The following MAML2 variants were observed in gnomAD, a reference collection of about 807,000 sequenced individuals.
The protein encoded by MAML2 is mastermind-like protein 2.
A neutral mutation model predicts 96.1 loss-of-function variants in MAML2; 22 were observed. That is an observed-to-expected ratio of 0.23 (90% CI 0.16 to 0.33). The LOEUF (loss-of-function observed/expected upper bound fraction) is 0.33. Ranked by LOEUF, MAML2 falls within the 10% of genes least tolerant of loss-of-function variation. The probability of loss-of-function intolerance (pLI) is 1.00; values close to 1 mark genes in which losing one functional copy is unlikely to be tolerated. For synonymous variants in MAML2, 561 were observed against 521.3 expected (o/e 1.08, Z -1.04); for missense variants, 1,367 against 1,392.4 (o/e 0.98, Z 0.29).
chr11:96,018,704 C>G (rs1409333055), intron 2 of MAML2, among the ~76,000 whole-genome samples: 1 of 152,210 alleles, frequency 6.6e-6, no homozygotes, highest in Non-Finnish European at 1.5e-5. Flanking sequence ...TCAAGCAACT[C>G]TCTTGCCTCA....
intron 1 of MAML2, among the ~76,000 whole-genome samples, chr11:96,117,316 G>A (rs1860261307): frequency 6.8e-6 from 1 of 147,490 alleles, no homozygotes; most frequent in Non-Finnish European, 1.5e-5. Context: ...AATTTTTTGA[G>A]ACAGGGTCTC....
At chr11:96,054,524 G>T (rs1859033007) in intron 2 of MAML2, among the ~76,000 whole-genome samples, 1 of 152,150 alleles carries the variant, frequency 6.6e-6, no homozygotes, top group South Asian at 2.1e-4. Flanking sequence ...TCCAATGAGG[G>T]AGCAGTGTGG....
At chr11:96,196,478 A>G (rs1283884143) in intron 1 of MAML2, among the ~76,000 whole-genome samples, 1 of 152,230 alleles carries the variant, frequency 6.6e-6, no homozygotes, top group Non-Finnish European at 1.5e-5. Context: ...GGAGACGTGT[A>G]AAAAAATCAC....
rs371088687 is a variant in MAML2 at position 96,101,303 on chromosome 11, A to G, written c.514-7786T>C. 3.5e-4 allele frequency among the ~76,000 whole-genome samples: 54 copies of G among 152,334 alleles called. 1 individual carries two copies. The East Asian group carries it at 4.6e-3, about 13-fold the overall frequency. ...AACACTCTTCATTACAGGGCAGAAA[A>G]AAGGCATTTCATGATAGCATTTTGT... On this transcript the variant is annotated intron_variant, in intron 1 of 4. Coordinates refer to ENST00000524717, the MANE Select transcript of MAML2 (RefSeq NM_032427.4).
At chr11:96,142,722 C>T (rs530269443) in intron 1 of MAML2, among the ~76,000 whole-genome samples, 1 of 152,326 alleles carries the variant, frequency 6.6e-6, no homozygotes, top group South Asian at 2.1e-4. Flanking sequence ...ACAAAAGCAA[C>T]CTAAATGCAG....
chr11:96,074,145 T>C (rs1859394415), intron 2 of MAML2, among the ~76,000 whole-genome samples: 1 of 152,200 alleles, frequency 6.6e-6, no homozygotes, highest in African/African-American at 2.4e-5. Flanking sequence ...TTCCATACTA[T>C]AAGATGTAAA....
intron 1 of MAML2, among the ~76,000 whole-genome samples, chr11:96,153,012 A>G (rs11600466): frequency 0.1 from 15,339 of 152,236 alleles, 1,036 homozygotes; most frequent in Non-Finnish European, 0.15. Context: ...AATGCAGGGT[A>G]GTTTTACCCA....
chr11:96,341,913 T>A lies in MAML2; in HGVS notation c.-18A>T. 2.7e-6 allele frequency: 4 copies of A among 1,496,844 alleles called. No homozygotes were observed. Among genetic ancestry groups the A allele is most frequent in the Non-Finnish European group, 2.7e-6 (3 of 1,127,584 alleles). 92.7% of individuals were successfully genotyped at this position (1,496,844 alleles called of 1,614,324 possible). A position where few individuals can be genotyped will look rare whatever the true frequency, so the allele number is the denominator to read the frequency against. On this transcript the variant is annotated 5_prime_UTR_variant, in exon 1 of 5. Coordinates refer to ENST00000524717, the MANE Select transcript of MAML2 (RefSeq NM_032427.4). Reference sequence around the variant, plus strand: ...TCCCCCATCTTACCGGACACAATGATTGCTGCCTCTGGGATGGTGAGGTGG... The same window carrying A: ...TCCCCCATCTTACCGGACACAATGAATGCTGCCTCTGGGATGGTGAGGTGG...
intron 1 of MAML2, among the ~76,000 whole-genome samples, chr11:96,280,255 T>C (rs1863045968): frequency 6.6e-6 from 1 of 152,230 alleles, no homozygotes; most frequent in Non-Finnish European, 1.5e-5. Flanking sequence ...TTTAACTAGC[T>C]GTGTATCTCT....
chr11:96,036,458 TCAGAGCCCC>T (rs1301263477), intron 2 of MAML2, among the ~76,000 whole-genome samples: 24 of 152,176 alleles, frequency 1.6e-4, no homozygotes, highest in African/African-American at 5.5e-4. Flanking sequence ...CATTCCTGAC[TCAGAGCCCC>T]TGGAACAGGT....
Position 96,068,746 on chromosome 11 carries a change from C to T in MAML2, c.2139+23146G>A, listed in dbSNP as rs1229561008. The stretch of plus-strand genomic sequence containing the variant: ...TCAGGAGGCTGAGGCAGGAGAATGG[C>T]GTGAACTCAGGAGGCAGAGCTTGCA... On this transcript the variant is annotated intron_variant, in intron 2 of 4. Transcript: ENST00000524717. Among the ~76,000 whole-genome samples, 11 of 150,606 alleles carry T rather than the reference C, an allele frequency of 7.3e-5. No individual in the cohort carries two copies. In the East Asian group the frequency reaches 7.8e-4, roughly 11 times the overall value.
chr11:96,261,907 T>G (rs1401719646), intron 1 of MAML2, among the ~76,000 whole-genome samples: 7 of 152,258 alleles, frequency 4.6e-5, no homozygotes, highest in Non-Finnish European at 8.8e-5. Flanking sequence ...TGAACAAATA[T>G]TTAAATTCTA....
At chr11:96,256,513 T>C (rs1184294195) in intron 1 of MAML2, among the ~76,000 whole-genome samples, 2 of 152,200 alleles carry the variant, frequency 1.3e-5, no homozygotes, top group East Asian at 3.9e-4. Flanking sequence ...GCCATGTCAG[T>C]ATTAAATGGA....
intron 1 of MAML2, among the ~76,000 whole-genome samples, chr11:96,274,153 G>A (rs1413081592): frequency 4.1e-5 from 6 of 145,342 alleles, no homozygotes; most frequent in Admixed American, 2.8e-4. Flanking sequence ...CGCCATCTTG[G>A]CTCACTGCAA....
chr11:96,183,240 C>T (rs769908687), intron 1 of MAML2, among the ~76,000 whole-genome samples: 8 of 151,680 alleles, frequency 5.3e-5, no homozygotes, highest in Non-Finnish European at 1.2e-4. Context: ...ATTACAGGCA[C>T]GAGTCACTGC....
chr11:96,279,097 A>C (rs1863029217), intron 1 of MAML2, among the ~76,000 whole-genome samples: 1 of 152,058 alleles, frequency 6.6e-6, no homozygotes, highest in South Asian at 2.1e-4. Flanking sequence ...TGATTGACTG[A>C]CATGAAGACT....
intron 2 of MAML2, among the ~76,000 whole-genome samples, chr11:96,073,786 G>A (rs1407524559): frequency 6.6e-6 from 1 of 152,122 alleles, no homozygotes; most frequent in African/African-American, 2.4e-5. Context: ...GGCTCTGGTT[G>A]GCTATTTATT....
intron 1 of MAML2, among the ~76,000 whole-genome samples, chr11:96,108,928 G>A (rs913688244): frequency 6.6e-6 from 1 of 151,792 alleles, no homozygotes; most frequent in African/African-American, 2.4e-5. Context: ...GCTACTTGGG[G>A]GACTGTGGTG....
At chr11:96,026,653 C>A (rs529241339) in intron 2 of MAML2, among the ~76,000 whole-genome samples, 2 of 152,044 alleles carry the variant, frequency 1.3e-5, no homozygotes, top group South Asian at 4.2e-4. Flanking sequence ...CTTTTGGCAT[C>A]TGTTTGCTCA....
Sources: gnomAD v4.1 joint callset for allele counts (sites outside exome capture counted in the v4.1 genomes callset) on GRCh38, gnomAD v4.1.1 for gene constraint, MANE v1.5 for transcripts, NCBI Gene and HGNC (gene_info 2026-07-23, HGNC 2026-07-21) for gene names.